ADCY2: variants seen among roughly 807,000 people sequenced by gnomAD.
The protein encoded by ADCY2 is adenylate cyclase 2, also known as adenylate cyclase type 2.
A neutral mutation model predicts 125.2 loss-of-function variants in ADCY2; 31 were observed. The observed-to-expected ratio is 0.25, with a 90% CI of 0.19 to 0.33. The LOEUF is 0.33. ADCY2 is among the 10% of genes least tolerant of loss of function. The probability of loss-of-function intolerance (pLI) is 1.00; values close to 1 mark genes in which losing one functional copy is unlikely to be tolerated. For missense variants in ADCY2, 904 were observed against 1,418.2 expected (o/e 0.64, Z 5.82); for synonymous variants, 512 against 548.4 (o/e 0.93, Z 0.93).
intron 3 of ADCY2, among the ~76,000 whole-genome samples, chr5:7,596,772 G>A (rs994723131): frequency 4.6e-5 from 7 of 152,160 alleles, no homozygotes; most frequent in African/African-American, 1.7e-4. Context: ...AATTATTTTA[G>A]TATTGTTATT....
At chr5:7,767,733 A>G (rs1743430853) in intron 17 of ADCY2, among the ~76,000 whole-genome samples, 2 of 152,144 alleles carry the variant, frequency 1.3e-5, no homozygotes, top group South Asian at 4.1e-4. Context: ...CCATGCACAG[A>G]TAGAAGTGGC....
chr5:7,577,396 A>G (rs1225871026), intron 3 of ADCY2, among the ~76,000 whole-genome samples: 1 of 152,230 alleles, frequency 6.6e-6, no homozygotes, highest in Admixed American at 6.5e-5. Context: ...CAATTTTACT[A>G]TCCATCAAAT....
rs987253675 is a variant in ADCY2, at chr5:7,666,052, A to G, written c.721-24639A>G. Among the ~76,000 whole-genome samples, 7 of 150,652 alleles carry G rather than the reference A, an allele frequency of 4.6e-5. 1 individual carries two copies. Among genetic ancestry groups the G allele is most frequent in the East Asian group, 2.0e-4 (1 of 5,016 alleles). On this transcript the variant is annotated intron_variant, in intron 4 of 24. Coordinates refer to ENST00000338316, the MANE Select transcript of ADCY2 (RefSeq NM_020546.3). ...ACAGGGTTTCACCATGTTAGCCAGG[A>G]TGGTCTCGATCTCCTGACCTCGTGA... is the stretch of plus-strand genomic sequence containing the variant.
intron 20 of ADCY2, chr5:7,796,755 T>G (rs1001010027): frequency 6.6e-6 from 1 of 152,222 alleles, no homozygotes; most frequent in Non-Finnish European, 1.5e-5. Context: ...TGCACCCAGA[T>G]GGGAGCCTTC....
chr5:7,409,015 G>A (rs1156323663), intron 1 of ADCY2, among the ~76,000 whole-genome samples: 2 of 152,180 alleles, frequency 1.3e-5, no homozygotes, highest in Non-Finnish European at 2.9e-5. Flanking sequence ...TAAAGAAAAT[G>A]TGGTACATAT....
chr5:7,823,114 G>A (rs562414576), intron 24 of ADCY2, among the ~76,000 whole-genome samples: 63 of 152,226 alleles, frequency 4.1e-4, no homozygotes, highest in African/African-American at 1.5e-3. Flanking sequence ...TCTTTCTAAA[G>A]GATATCTTTA....
intron 16 of ADCY2, 59 bp downstream of exon 16, chr5:7,757,645 A>T (rs1743053149): frequency 6.4e-7 from 1 of 1,560,612 alleles, no homozygotes; most frequent in East Asian, 2.3e-5. Context: ...GGCCGTGTTC[A>T]ACATGGTAAG....
At chr5:7,510,430 A>G (rs532332493) in intron 2 of ADCY2, among the ~76,000 whole-genome samples, 7 of 152,238 alleles carry the variant, frequency 4.6e-5, no homozygotes, top group Non-Finnish European at 8.8e-5. Flanking sequence ...CCTTCGGAGC[A>G]GTGTGGGTCA....
Position 7,721,029 on chromosome 5 carries a change from C to G in ADCY2, c.1704-3516C>G, listed in dbSNP as rs558148068. ...GTCCCACCAACAGTGTAAGAGTGTT[C>G]CTATTTCTCCACATCCCCTTCAACA... On this transcript the variant is annotated intron_variant, in intron 12 of 24. Transcript: ENST00000338316. Among the ~76,000 whole-genome samples, 6 of 152,266 alleles carry G rather than the reference C, an allele frequency of 3.9e-5. No individual in the cohort carries two copies. The South Asian group carries it at 1.0e-3, about 26-fold the overall frequency.
intron 7 of ADCY2, among the ~76,000 whole-genome samples, chr5:7,700,851 G>A (rs949845342): frequency 4.6e-5 from 7 of 151,984 alleles, no homozygotes; most frequent in South Asian, 2.1e-4. Context: ...ATCAGAAATG[G>A]GAGGGAAATG....
intron 22 of ADCY2, among the ~76,000 whole-genome samples, chr5:7,807,475 T>C (rs1744791121): frequency 6.6e-6 from 1 of 152,218 alleles, no homozygotes; most frequent in South Asian, 2.1e-4. Context: ...GCCCTGTCTG[T>C]GGATGGCCGT....
chr5:7,752,833 G>A (rs955739524), intron 15 of ADCY2, among the ~76,000 whole-genome samples: 4 of 149,814 alleles, frequency 2.7e-5, no homozygotes, highest in African/African-American at 4.9e-5. Flanking sequence ...TTCATCCCAC[G>A]TTTTTCCTAC....
At chr5:7,587,915 G>A (rs576055805) in intron 3 of ADCY2, among the ~76,000 whole-genome samples, 10 of 152,134 alleles carry the variant, frequency 6.6e-5, no homozygotes, top group African/African-American at 2.4e-4. Context: ...AAATGACCAG[G>A]ACAGGCCAAC....
At chr5:7,563,202 G>A (rs956261536) in intron 3 of ADCY2, among the ~76,000 whole-genome samples, 24 of 152,206 alleles carry the variant, frequency 1.6e-4, no homozygotes, top group Admixed American at 1.3e-4. Flanking sequence ...AACTTGCTAT[G>A]TATGAATACC....
At chr5:7,623,730 C>A (rs1012377616) in intron 3 of ADCY2, among the ~76,000 whole-genome samples, 3 of 152,228 alleles carry the variant, frequency 2.0e-5, no homozygotes, top group Non-Finnish European at 4.4e-5. Flanking sequence ...TGCTGCACCT[C>A]CTTACACACA....
chr5:7,467,126 G>A (rs547346225), intron 2 of ADCY2, among the ~76,000 whole-genome samples: 10 of 152,286 alleles, frequency 6.6e-5, no homozygotes, highest in African/African-American at 2.4e-4. Context: ...TAAGTGAATT[G>A]CCAAAATGCC....
At chr5:7,792,811 C>T (rs763506897) in intron 20 of ADCY2, among the ~76,000 whole-genome samples, 3 of 152,192 alleles carry the variant, frequency 2.0e-5, no homozygotes, top group Admixed American at 6.5e-5. Flanking sequence ...GTCCGAGCCT[C>T]GCCGTCCTCA....
At chr5:7,803,505 G>A (rs369821520) in intron 21 of ADCY2, among the ~76,000 whole-genome samples, 3 of 152,254 alleles carry the variant, frequency 2.0e-5, no homozygotes, top group Admixed American at 1.3e-4. Context: ...TACAGCTTCC[G>A]TTCTTATCCC....
At chr5:7,679,332 TAAA>T (rs1316988527) in intron 4 of ADCY2, among the ~76,000 whole-genome samples, 3 of 151,782 alleles carry the variant, frequency 2.0e-5, no homozygotes, top group Non-Finnish European at 4.4e-5. Flanking sequence ...GAGGAAGAAA[TAAA>T]GAAGGTGGGA....
Sources: allele counts gnomAD v4.1 joint callset (sites outside exome capture counted in the v4.1 genomes callset), GRCh38; gene constraint gnomAD v4.1.1; transcripts MANE v1.5; gene names NCBI Gene and HGNC (gene_info 2026-07-23, HGNC 2026-07-21).